Variants in MLPH observed in about 807,000 individuals in gnomAD.
MLPH encodes the protein exophilin-3.
In MLPH, 51 loss-of-function variants were observed where a neutral mutation model predicts 72.1. The observed-to-expected ratio is 0.71, with a 90% confidence interval of 0.56 to 0.89. The LOEUF is 0.89. Among genes scored for constraint, MLPH ranks in the 40% least tolerant of loss-of-function variants. MLPH has a pLI of 0.00. For missense variants in MLPH, 743 were observed against 759.9 expected, an observed-to-expected ratio of 0.98 and a Z score of 0.26; for synonymous variants, 301 against 310.1, an observed-to-expected ratio of 0.97 and a Z score of 0.31.
intron 7 of MLPH, among the ~76,000 whole-genome samples, chr2:237,526,496 G>A (rs932510996): frequency 5.3e-5 from 8 of 152,146 alleles, no homozygotes; most frequent in African/African-American, 1.9e-4. Flanking sequence ...GAGGCTTTGG[G>A]AGGAAGGCAG....
In MLPH at chr2:237,522,362, A is replaced by T. The variant is rs113823244; in HGVS notation, c.675+2333A>T. ...TACAACTATAGTGCTGGAGTGGAGC[A>T]GGGCTGAGACTGGGCTTGGACCTTC... On this transcript the variant is annotated intron_variant, in intron 6 of 15. Transcript: ENST00000264605. Among the ~76,000 whole-genome samples, 48 of 110,744 alleles carry T rather than the reference A, an allele frequency of 4.3e-4. 1 individual carries two copies. The highest frequency in any genetic ancestry group is 1.9e-3 in the African/African-American group (47 of 24,948). The allele number at this position is 110,744 out of a possible 152,430, so 72.7% of individuals were successfully genotyped here. A position where few individuals can be genotyped will look rare whatever the true frequency, so the allele number is the denominator to read the frequency against.
chr2:237,545,307 C>T, intron 12 of MLPH: 2 of 543,224 alleles, frequency 3.7e-6, no homozygotes, highest in Admixed American at 3.4e-5. Flanking sequence ...CCACAGCACA[C>T]ACGCCACCGT....
chr2:237,509,483 A>C (rs2079845130), intron 2 of MLPH, among the ~76,000 whole-genome samples: 1 of 152,198 alleles, frequency 6.6e-6, no homozygotes, highest in African/African-American at 2.4e-5. Context: ...AAGGGTGGAA[A>C]TGGAGGGAGT....
chr2:237,492,173 G>A (rs1221445858), intron 1 of MLPH, among the ~76,000 whole-genome samples: 2 of 152,162 alleles, frequency 1.3e-5, no homozygotes, highest in Non-Finnish European at 2.9e-5. Context: ...CTTGGCTTTT[G>A]ACATTTGGAT....
chr2:237,494,905 G>T (rs559850559), intron 2 of MLPH, among the ~76,000 whole-genome samples: 1 of 152,342 alleles, frequency 6.6e-6, no homozygotes, highest in African/African-American at 2.4e-5. Context: ...GTACAGTACA[G>T]ATTTAGTGGT....
chr2:237,494,769 G>T (rs1216934701), intron 2 of MLPH, among the ~76,000 whole-genome samples: 2 of 152,194 alleles, frequency 1.3e-5, no homozygotes, highest in Non-Finnish European at 2.9e-5. Flanking sequence ...GCGGGTGTTG[G>T]ATACATACAC....
chr2:237,546,389 T>C, intron 12 of MLPH: 1 of 585,296 alleles, frequency 1.7e-6, no homozygotes, highest in South Asian at 2.0e-5. Context: ...AATCTGAAAT[T>C]CAAAGTTCCC....
At chr2:237,487,690 G>A (rs562256467) in intron 1 of MLPH, among the ~76,000 whole-genome samples, 55 of 152,332 alleles carry the variant, frequency 3.6e-4, no homozygotes, top group African/African-American at 1.3e-3. Context: ...GTGGGATGGC[G>A]GGGGATCCCC....
intron 6 of MLPH, among the ~76,000 whole-genome samples, chr2:237,524,843 G>C (rs1046046962): frequency 6.6e-6 from 1 of 152,218 alleles, no homozygotes; most frequent in Non-Finnish European, 1.5e-5. Flanking sequence ...GGCACAGGCA[G>C]TGCTGAGCCA....
chr2:237,509,327 G>A (rs2079842294), intron 2 of MLPH, among the ~76,000 whole-genome samples: 3 of 152,186 alleles, frequency 2.0e-5, no homozygotes. Context: ...CAGTACACAT[G>A]TCCTTGTCTT....
chr2:237,516,840 GATGGA>G (rs2080034166), intron 4 of MLPH, among the ~76,000 whole-genome samples: 3 of 151,534 alleles, frequency 2.0e-5, no homozygotes, highest in Non-Finnish European at 4.4e-5. Flanking sequence ...AGGATGGATG[GATGGA>G]TGGATGGATG....
chr2:237,508,151 A>C (rs533544879), intron 2 of MLPH, among the ~76,000 whole-genome samples: 24 of 152,136 alleles, frequency 1.6e-4, no homozygotes, highest in African/African-American at 4.8e-4. Flanking sequence ...TCACTCTGTC[A>C]CCCACGCTGG....
chr2:237,539,417 G>A (rs2080618391), intron 9 of MLPH, among the ~76,000 whole-genome samples: 2 of 152,246 alleles, frequency 1.3e-5, no homozygotes, highest in African/African-American at 4.8e-5. Flanking sequence ...GCTTTAAAGG[G>A]TGAAGCTGCC....
chr2:237,552,501 T>A, intron 15 of MLPH, 64 bp downstream of exon 15: 1 of 1,363,882 alleles, frequency 7.3e-7, no homozygotes, highest in Non-Finnish European at 1.0e-6. Context: ...ATTTATGTAT[T>A]AAAATTAAGT....
Position 237,549,202 on chromosome 2 carries a change from G to T in MLPH, c.1618-19G>T. 1 of 1,611,378 alleles carries T rather than the reference G, an allele frequency of 6.2e-7. No homozygotes were observed. Among genetic ancestry groups the T allele is most frequent in the Non-Finnish European group, 8.5e-7 (1 of 1,177,532 alleles). ...ACGTCACAACTTGATGAAGCCTGGA[G>T]ACACTCTGTTTCTTCTAGGCAATGG... is the stretch of plus-strand genomic sequence containing the variant. On this transcript the variant is annotated intron_variant, in intron 13 of 15. Coordinates refer to ENST00000264605, the MANE Select transcript of MLPH (RefSeq NM_024101.7).
chr2:237,517,726 TGG>T (rs2080077054), intron 4 of MLPH, among the ~76,000 whole-genome samples: 1 of 118,648 alleles, frequency 8.4e-6, no homozygotes, highest in African/African-American at 4.0e-5. Context: ...GATAAGTAAG[TGG>T]GTGGATGGAT....
At chr2:237,513,200 T>G (rs892924369) in intron 4 of MLPH, among the ~76,000 whole-genome samples, 2 of 152,100 alleles carry the variant, frequency 1.3e-5, no homozygotes, top group Admixed American at 6.5e-5. Flanking sequence ...AGCTAGTAAG[T>G]GGGCCTCTGG....
At chr2:237,530,131 A>G (rs2080389223) in intron 8 of MLPH, among the ~76,000 whole-genome samples, 1 of 152,228 alleles carries the variant, frequency 6.6e-6, no homozygotes, top group Non-Finnish European at 1.5e-5. Flanking sequence ...CCAGCTCTTC[A>G]GCCACAGGGC....
At chr2:237,488,355 T>C (rs2079361672) in intron 1 of MLPH, among the ~76,000 whole-genome samples, 1 of 151,954 alleles carries the variant, frequency 6.6e-6, no homozygotes, top group South Asian at 2.1e-4. Flanking sequence ...CGGGTTCAGC[T>C]GTCCTGCATC....
Sources: allele counts gnomAD v4.1 joint callset (sites outside exome capture counted in the v4.1 genomes callset), GRCh38; gene constraint gnomAD v4.1.1; transcripts MANE v1.5; gene names NCBI Gene and HGNC (gene_info 2026-07-23, HGNC 2026-07-21).